The following SYNPR variants were observed in gnomAD, a reference collection of about 807,000 sequenced individuals.
The protein encoded by SYNPR is synaptoporin.
In SYNPR, 23 loss-of-function variants were observed where a neutral mutation model predicts 32.9. That is an observed-to-expected ratio of 0.70 (90% CI 0.50 to 0.99). The LOEUF is 0.99. Ranked by LOEUF, SYNPR falls within the 50% of genes least tolerant of loss-of-function variation. SYNPR has a pLI of 0.00. For missense variants in SYNPR, 318 were observed against 349.3 expected, an observed-to-expected ratio of 0.91 and a Z score of 0.71; for synonymous variants, 146 against 135.9, an observed-to-expected ratio of 1.07 and a Z score of -0.52.
At chr3:63,502,581 C>T (rs7610588) in intron 3 of SYNPR, among the ~76,000 whole-genome samples, 32,130 of 151,916 alleles carry the variant, frequency 0.21, 3,733 homozygotes, top group African/African-American at 0.31. Context: ...CTCTGACAAC[C>T]ATTGATGCTT....
chr3:63,530,678 G>T (rs1575694982), intron 3 of SYNPR, among the ~76,000 whole-genome samples: 1 of 152,144 alleles, frequency 6.6e-6, no homozygotes. Flanking sequence ...CAGAAGCTCT[G>T]CGGTGGGCAC....
At chr3:63,385,430 A>T (rs1020600582) in intron 2 of SYNPR, among the ~76,000 whole-genome samples, 1 of 152,222 alleles carries the variant, frequency 6.6e-6, no homozygotes, top group Non-Finnish European at 1.5e-5. Flanking sequence ...ATGTGATTTA[A>T]TATTGTACAT....
intron 2 of SYNPR, among the ~76,000 whole-genome samples, chr3:63,375,328 C>A (rs1284456415): frequency 6.6e-6 from 1 of 152,168 alleles, no homozygotes; most frequent in Non-Finnish European, 1.5e-5. Flanking sequence ...ACCCAAATGT[C>A]CATCAATGAT....
At chr3:63,278,772 C>A in intron 2 of SYNPR, 30 bp downstream of exon 2, 2 of 1,549,992 alleles carry the variant, frequency 1.3e-6, no homozygotes, top group Non-Finnish European at 8.7e-7. Context: ...CAGGGAGGGG[C>A]GCCAGGCAGC....
chr3:63,250,026 A>G (rs1471151904), intron 1 of SYNPR, among the ~76,000 whole-genome samples: 1 of 152,080 alleles, frequency 6.6e-6, no homozygotes, highest in Non-Finnish European at 1.5e-5. Context: ...CCTGGCCCAG[A>G]AGGGTAAGGA....
chr3:63,425,177 A>C (rs1470294603), intron 2 of SYNPR, among the ~76,000 whole-genome samples: 1 of 152,228 alleles, frequency 6.6e-6, no homozygotes, highest in Non-Finnish European at 1.5e-5. Flanking sequence ...GAGGAAAAGC[A>C]GGATTAAACT....
intron 2 of SYNPR, among the ~76,000 whole-genome samples, chr3:63,417,268 C>G (rs1460236298): frequency 6.6e-6 from 1 of 152,246 alleles, no homozygotes; most frequent in Non-Finnish European, 1.5e-5. Flanking sequence ...CCAAAATGAT[C>G]TCCTCCTTTG....
chr3:63,483,709 C>T (rs1203155088), intron 3 of SYNPR, among the ~76,000 whole-genome samples: 4 of 152,066 alleles, frequency 2.6e-5, no homozygotes, highest in Non-Finnish European at 5.9e-5. Context: ...GGAACCCCAT[C>T]TGAAATTCCA....
At chr3:63,221,456 G>A in the SYNPR span, among the ~76,000 whole-genome samples, 1 of 152,062 alleles carries the variant, frequency 6.6e-6, no homozygotes, top group Non-Finnish European at 1.5e-5. Flanking sequence ...AATCTTTGAG[G>A]ATAAAGTGCA....
intron 2 of SYNPR, among the ~76,000 whole-genome samples, chr3:63,423,358 C>T (rs1699833335): frequency 1.3e-5 from 2 of 152,140 alleles, no homozygotes; most frequent in Non-Finnish European, 2.9e-5. Context: ...TACTATGGCA[C>T]CAGCTTTTGA....
intron 2 of SYNPR, among the ~76,000 whole-genome samples, chr3:63,395,114 G>A (rs1245841614): frequency 7.3e-6 from 1 of 136,292 alleles, no homozygotes; most frequent in Non-Finnish European, 1.5e-5. Context: ...CAATTCCAGT[G>A]TTTTAGGAAA....
At chr3:63,485,832 T>C (rs573326848) in intron 3 of SYNPR, among the ~76,000 whole-genome samples, 1 of 152,272 alleles carries the variant, frequency 6.6e-6, no homozygotes, top group African/African-American at 2.4e-5. Context: ...AACAACTAAA[T>C]ATAGGGAACA....
chr3:63,373,539 AT>A (rs1347371966), intron 2 of SYNPR, among the ~76,000 whole-genome samples: 1 of 152,140 alleles, frequency 6.6e-6, no homozygotes, highest in Non-Finnish European at 1.5e-5. Context: ...AGAAAAAATA[AT>A]TTTAAAAAAT....
At chr3:63,455,516 G>C (rs978087368) in intron 2 of SYNPR, among the ~76,000 whole-genome samples, 1 of 152,028 alleles carries the variant, frequency 6.6e-6, no homozygotes, top group Admixed American at 6.6e-5. Context: ...TATGAAATTT[G>C]GGAAAGAATA....
chr3:63,278,442 C>G lies in SYNPR; in HGVS notation c.-92C>G. 1.4e-6 allele frequency: 2 copies of G among 1,463,966 alleles called. No homozygotes were observed. Among genetic ancestry groups the G allele is most frequent in the Non-Finnish European group, 1.8e-6 (2 of 1,098,754 alleles). The allele number at this position is 1,463,966 out of a possible 1,614,324, so 90.7% of individuals were successfully genotyped here. ...AGGGTGTCGCTCCTCTGGCTGCTCCCGAAGGGGCTTCTGGCCCTGAGGACG... is the reference window on the plus strand; with the variant it reads ...AGGGTGTCGCTCCTCTGGCTGCTCCGGAAGGGGCTTCTGGCCCTGAGGACG... On this transcript the variant is annotated 5_prime_UTR_variant, in exon 1 of 6. Transcript: ENST00000478300.
chr3:63,294,276 A>G (rs2086771828), intron 2 of SYNPR, among the ~76,000 whole-genome samples: 1 of 152,198 alleles, frequency 6.6e-6, no homozygotes. Context: ...TACATTTTTA[A>G]GGTATTTAGA....
At chr3:63,241,028 G>A (rs2086238011) in intron 1 of SYNPR, among the ~76,000 whole-genome samples, 1 of 151,962 alleles carries the variant, frequency 6.6e-6, no homozygotes, top group African/African-American at 2.4e-5. Flanking sequence ...AGGTAATTCA[G>A]TCTGAAGACA....
At chr3:63,520,436 A>G (rs1327593617) in intron 3 of SYNPR, among the ~76,000 whole-genome samples, 1 of 152,126 alleles carries the variant, frequency 6.6e-6, no homozygotes, top group African/African-American at 2.4e-5. Context: ...GCACTTTGGG[A>G]GGCTGAGGTG....
At chr3:63,437,002 G>C (rs1200028820) in intron 2 of SYNPR, among the ~76,000 whole-genome samples, 1 of 152,030 alleles carries the variant, frequency 6.6e-6, no homozygotes, top group African/African-American at 2.4e-5. Context: ...TCAGCCTCCT[G>C]AGTAGCTGGG....
Sources: allele counts gnomAD v4.1 joint callset (sites outside exome capture counted in the v4.1 genomes callset), GRCh38; gene constraint gnomAD v4.1.1; transcripts MANE v1.5; gene names NCBI Gene and HGNC (gene_info 2026-07-23, HGNC 2026-07-21).